UBE3D: variants seen among roughly 807,000 people sequenced by gnomAD.
UBE3D encodes the protein E3 ubiquitin-protein ligase E3D.
A neutral mutation model predicts 49.6 loss-of-function variants in UBE3D; 48 were observed. The observed-to-expected ratio is 0.97, with a 90% CI of 0.77 to 1.23. The LOEUF (loss-of-function observed/expected upper bound fraction) is 1.23. Ranked by LOEUF, UBE3D falls within the 50% of genes most tolerant of loss-of-function variation. The probability of loss-of-function intolerance (pLI) is 0.00; values close to 1 mark genes in which losing one functional copy is unlikely to be tolerated. For synonymous variants in UBE3D, 189 were observed against 174.2 expected (o/e 1.08, Z -0.67); for missense variants, 452 against 468.4 (o/e 0.96, Z 0.32).
chr6:82,890,410 G>A (rs1219686131), downstream of UBE3D, among the ~76,000 whole-genome samples: 1 of 152,162 alleles, frequency 6.6e-6, no homozygotes, highest in Non-Finnish European at 1.5e-5. Context: ...CTCACTTTGA[G>A]CACGGGCATA....
chr6:82,994,704 A>G (rs1399077480), intron 8 of UBE3D, among the ~76,000 whole-genome samples: 1 of 152,192 alleles, frequency 6.6e-6, no homozygotes, highest in Non-Finnish European at 1.5e-5. Flanking sequence ...CAGAGTGAAT[A>G]TGACTTCATA....
chr6:83,001,324 A>T (rs1779619164), intron 8 of UBE3D, among the ~76,000 whole-genome samples: 2 of 152,178 alleles, frequency 1.3e-5, no homozygotes, highest in African/African-American at 4.8e-5. Context: ...TCAATATTAA[A>T]TTCCTAATAC....
intron 8 of UBE3D, among the ~76,000 whole-genome samples, chr6:82,958,336 C>G (rs1336098596): frequency 2.0e-5 from 3 of 151,958 alleles, no homozygotes; most frequent in Non-Finnish European, 4.4e-5. Flanking sequence ...GATCTGCGAC[C>G]AAAGTGTCTC....
chr6:82,898,325 T>G (rs1771480196), intron 9 of UBE3D, among the ~76,000 whole-genome samples: 1 of 152,210 alleles, frequency 6.6e-6, no homozygotes, highest in South Asian at 2.1e-4. Context: ...ATCCCATTAC[T>G]GGGTATATAC....
At chr6:82,919,400 G>C (rs1266172104) in intron 9 of UBE3D, among the ~76,000 whole-genome samples, 1 of 151,624 alleles carries the variant, frequency 6.6e-6, no homozygotes, top group Non-Finnish European at 1.5e-5. Context: ...TCAGGAGATC[G>C]AGACCATCCT....
intron 9 of UBE3D, among the ~76,000 whole-genome samples, chr6:82,908,659 G>T (rs1283418777): frequency 2.0e-5 from 3 of 152,146 alleles, no homozygotes; most frequent in Non-Finnish European, 4.4e-5. Context: ...TTCAATAAAT[G>T]CATTACATAT....
intron 7 of UBE3D, among the ~76,000 whole-genome samples, chr6:83,021,922 T>C (rs1582662736): frequency 6.6e-6 from 1 of 152,008 alleles, no homozygotes; most frequent in East Asian, 1.9e-4. Context: ...AGCTTCTAAA[T>C]AGCAGGAATC....
At chr6:83,013,652 G>T (rs1780500092) in intron 8 of UBE3D, among the ~76,000 whole-genome samples, 1 of 152,182 alleles carries the variant, frequency 6.6e-6, no homozygotes, top group Non-Finnish European at 1.5e-5. Flanking sequence ...GTTGTAGGAG[G>T]GGCGAAATGC....
downstream of UBE3D, among the ~76,000 whole-genome samples, chr6:82,889,594 T>C (rs1157579604): frequency 6.6e-6 from 1 of 152,110 alleles, no homozygotes; most frequent in Non-Finnish European, 1.5e-5. Flanking sequence ...ACAGTATACA[T>C]ACACTTTAAG....
intron 4 of UBE3D, among the ~76,000 whole-genome samples, chr6:83,039,523 G>A (rs1204202586): frequency 3.3e-5 from 5 of 152,180 alleles, no homozygotes; most frequent in Admixed American, 2.6e-4. Context: ...TCTCTCTGAT[G>A]CTAAAGCTTC....
chr6:82,928,309 C>A (rs1409954022), intron 9 of UBE3D, among the ~76,000 whole-genome samples: 1 of 152,110 alleles, frequency 6.6e-6, no homozygotes, highest in South Asian at 2.1e-4. Context: ...AAAAATAAAA[C>A]AAGCCAACAA....
chr6:82,921,165 G>T (rs947256756), intron 9 of UBE3D, among the ~76,000 whole-genome samples: 1 of 152,138 alleles, frequency 6.6e-6, no homozygotes, highest in African/African-American at 2.4e-5. Flanking sequence ...TGTTGCCCAG[G>T]CTGGTCTTGA....
At chr6:83,061,279 C>T (rs1043276615) in intron 1 of UBE3D, among the ~76,000 whole-genome samples, 1 of 152,124 alleles carries the variant, frequency 6.6e-6, no homozygotes, top group East Asian at 1.9e-4. Flanking sequence ...TTGAAACAGA[C>T]AGAGGAAGCA....
intron 8 of UBE3D, among the ~76,000 whole-genome samples, chr6:83,012,800 A>C (rs995895547): frequency 3.3e-5 from 5 of 152,152 alleles, no homozygotes; most frequent in African/African-American, 9.7e-5. Context: ...CCTTCCATCC[A>C]AGGTGTACTG....
downstream of UBE3D, among the ~76,000 whole-genome samples, chr6:82,889,861 T>G (rs901248568): frequency 6.6e-6 from 1 of 151,742 alleles, no homozygotes; most frequent in African/African-American, 2.4e-5. Context: ...CAAACCTATA[T>G]AGGTTTGCCA....
intron 8 of UBE3D, among the ~76,000 whole-genome samples, chr6:82,959,239 AC>A (rs1776376486): frequency 6.8e-6 from 1 of 146,106 alleles, no homozygotes; most frequent in African/African-American, 2.5e-5. Context: ...AAGTTCCCCC[AC>A]CCCCCTCAAA....
At chr6:82,978,086 G>A (rs576345742) in intron 8 of UBE3D, among the ~76,000 whole-genome samples, 1 of 151,034 alleles carries the variant, frequency 6.6e-6, no homozygotes, top group African/African-American at 2.4e-5. Context: ...ATAAGCCAAA[G>A]ATACATCAAC....
chr6:83,038,374 C>A (rs1782418372), intron 5 of UBE3D, 42 bp downstream of exon 5: 2 of 1,472,342 alleles, frequency 1.4e-6, no homozygotes, highest in African/African-American at 1.4e-5. Flanking sequence ...GGCTTTTAAG[C>A]AAGAAGCCAA....
At chr6:83,011,678 A>G (rs978066766) in intron 8 of UBE3D, among the ~76,000 whole-genome samples, 7 of 152,194 alleles carry the variant, frequency 4.6e-5, no homozygotes, top group Non-Finnish European at 7.4e-5. Context: ...GGAGGAGTCC[A>G]AAGTGTCCAA....
Sources: gnomAD v4.1 joint callset for allele counts (sites outside exome capture counted in the v4.1 genomes callset) on GRCh38, gnomAD v4.1.1 for gene constraint, MANE v1.5 for transcripts, NCBI Gene and HGNC (gene_info 2026-07-23, HGNC 2026-07-21) for gene names.